Variants in FHIT observed in about 807,000 individuals in gnomAD.
FHIT encodes fragile histidine triad diadenosine triphosphatase.
In FHIT, 19 loss-of-function variants were observed where a neutral mutation model predicts 17.9. That is an observed-to-expected ratio of 1.06 (90% confidence interval 0.74 to 1.56). The LOEUF is 1.56. Ranked by LOEUF, FHIT falls within the 40% of genes most tolerant of loss-of-function variation. The pLI is 0.00. For missense variants in FHIT, 248 were observed against 189.2 expected (o/e 1.31, Z -1.82); for synonymous variants, 81 against 69.7 (o/e 1.16, Z -0.81).
At chr3:60,253,526 AAG>A (rs1705833131) in intron 5 of FHIT, among the ~76,000 whole-genome samples, 1 of 152,228 alleles carries the variant, frequency 6.6e-6, no homozygotes, top group Non-Finnish European at 1.5e-5. Flanking sequence ...GAAAAAACAT[AAG>A]AGAAAACCAT....
At chr3:60,198,841 G>GT (rs1226829984) in intron 5 of FHIT, among the ~76,000 whole-genome samples, 1 of 152,144 alleles carries the variant, frequency 6.6e-6, no homozygotes, top group African/African-American at 2.4e-5. Flanking sequence ...CAGTGTAAAG[G>GT]TAACGAATTG....
intron 2 of FHIT, among the ~76,000 whole-genome samples, chr3:61,089,556 T>C (rs942518612): frequency 1.2e-4 from 18 of 152,170 alleles, no homozygotes; most frequent in African/African-American, 4.3e-4. Context: ...GTAGCATGTA[T>C]ACTTCAGTAA....
chr3:59,850,983 G>C (rs1386135629), intron 8 of FHIT, among the ~76,000 whole-genome samples: 2 of 152,170 alleles, frequency 1.3e-5, no homozygotes, highest in African/African-American at 4.8e-5. Context: ...TAGTCTTCCA[G>C]TTTCATTGTT....
At chr3:60,434,471 G>C (rs558216461) in intron 5 of FHIT, among the ~76,000 whole-genome samples, 1 of 152,092 alleles carries the variant, frequency 6.6e-6, no homozygotes, top group East Asian at 1.9e-4. Context: ...GGATACATTT[G>C]AGGTTTACAT....
Position 60,524,794 on chromosome 3 carries a change from G to A in FHIT, c.103+12066C>T, listed in dbSNP as rs190061640. 1.8e-3 allele frequency among the ~76,000 whole-genome samples: 270 copies of A among 152,262 alleles called. 2 individuals carry two copies. The highest frequency in any genetic ancestry group is 0.01 in the Middle Eastern group (3 of 294). ...CCTGTCTCACTCTTATAAGGACACT[G>A]CCATTGGATGTAGGATTTGCCTGGC... On this transcript the variant is annotated intron_variant, in intron 5 of 9. Coordinates refer to ENST00000492590, the MANE Select transcript of FHIT (RefSeq NM_002012.4).
chr3:60,701,386 T>C (rs2041243058), intron 4 of FHIT, among the ~76,000 whole-genome samples: 2 of 152,150 alleles, frequency 1.3e-5, no homozygotes, highest in Non-Finnish European at 2.9e-5. Flanking sequence ...GCAGGCTGTA[T>C]GGGAGACGGG....
chr3:60,962,076 CCATTTGTTTG>C (rs1709482722), intron 3 of FHIT, among the ~76,000 whole-genome samples: 1 of 152,178 alleles, frequency 6.6e-6, no homozygotes, highest in South Asian at 2.1e-4. Context: ...GAATGTTCTT[CCATTTGTTTG>C]TATCCTCTTT....
At chr3:60,102,416 G>C (rs936393749) in intron 5 of FHIT, among the ~76,000 whole-genome samples, 1 of 152,176 alleles carries the variant, frequency 6.6e-6, no homozygotes, top group Admixed American at 6.5e-5. Flanking sequence ...AACATGGGGC[G>C]AGTAAGCCAG....
intron 2 of FHIT, among the ~76,000 whole-genome samples, chr3:61,159,874 C>G (rs1576124982): frequency 6.6e-6 from 1 of 152,174 alleles, no homozygotes; most frequent in East Asian, 1.9e-4. Flanking sequence ...CCCCTGAAAT[C>G]ATGTGCAAAA....
intron 4 of FHIT, among the ~76,000 whole-genome samples, chr3:60,653,480 TA>T (rs1355164852): frequency 6.8e-6 from 1 of 146,766 alleles, no homozygotes; most frequent in Non-Finnish European, 1.5e-5. Flanking sequence ...TAAGGATGAC[TA>T]ACCAAATTTT....
chr3:59,772,224 A>AGTT (rs1002862132), intron 8 of FHIT, among the ~76,000 whole-genome samples: 3 of 145,538 alleles, frequency 2.1e-5, no homozygotes, highest in African/African-American at 8.5e-5. Flanking sequence ...GTGAATTTGA[A>AGTT]GTTAGAAGAC....
chr3:60,852,653 A>G (rs1243856166), intron 3 of FHIT, among the ~76,000 whole-genome samples: 1 of 152,074 alleles, frequency 6.6e-6, no homozygotes, highest in African/African-American at 2.4e-5. Context: ...TTAAAATTTA[A>G]TGTATCAAGA....
intron 3 of FHIT, among the ~76,000 whole-genome samples, chr3:60,906,386 A>G (rs1296508628): frequency 6.6e-6 from 1 of 152,224 alleles, no homozygotes; most frequent in African/African-American, 2.4e-5. Context: ...ACATGGTAAC[A>G]TACATGCATC....
At chr3:59,764,870 AC>A (rs1468249356) in intron 8 of FHIT, among the ~76,000 whole-genome samples, 1 of 1,410 alleles carries the variant, frequency 7.1e-4, no homozygotes, top group Non-Finnish European at 6.0e-3. Context: ...GCAAACACAC[AC>A]ACACACACAC....
intron 4 of FHIT, among the ~76,000 whole-genome samples, chr3:60,735,037 T>A (rs1342888833): frequency 6.6e-6 from 1 of 152,190 alleles, no homozygotes. Context: ...AAAAGCCAAT[T>A]ACCTTTAACT....
chr3:60,346,159 A>G (rs1225817891), intron 5 of FHIT, among the ~76,000 whole-genome samples: 1 of 152,198 alleles, frequency 6.6e-6, no homozygotes, highest in Non-Finnish European at 1.5e-5. Context: ...GACTCCTTAG[A>G]GAGTCCTCAC....
intron 4 of FHIT, among the ~76,000 whole-genome samples, chr3:60,551,749 T>G (rs1453093605): frequency 6.7e-6 from 1 of 149,806 alleles, no homozygotes; most frequent in African/African-American, 2.5e-5. Context: ...CATAGTGAGA[T>G]CCTGTCTATA....
chr3:60,364,978 G>A (rs1023102754), intron 5 of FHIT, among the ~76,000 whole-genome samples: 7 of 151,828 alleles, frequency 4.6e-5, no homozygotes, highest in Non-Finnish European at 8.8e-5. Flanking sequence ...AATAGATCAT[G>A]AGACTTCTCG....
rs115190306 is a variant in FHIT, at chr3:60,615,736, T to C, written c.-17-78757A>G. Among the ~76,000 whole-genome samples, 382 of 152,230 alleles carry C rather than the reference T, an allele frequency of 2.5e-3. 1 individual carries two copies. The highest frequency in any genetic ancestry group is 8.7e-3 in the African/African-American group (360 of 41,548). On this transcript the variant is annotated intron_variant, in intron 4 of 9. Transcript: ENST00000492590. ...AACCTTTAAGAAACTTGTAATCCAGTAGGAGAAAAAGACATTTTGTAGAAG... is the reference window on the plus strand; with the variant it reads ...AACCTTTAAGAAACTTGTAATCCAGCAGGAGAAAAAGACATTTTGTAGAAG...
Sources: gnomAD v4.1 joint callset for allele counts (sites outside exome capture counted in the v4.1 genomes callset) on GRCh38, gnomAD v4.1.1 for gene constraint, MANE v1.5 for transcripts, NCBI Gene and HGNC (gene_info 2026-07-23, HGNC 2026-07-21) for gene names.